Variants in CDKAL1 observed in about 807,000 individuals in gnomAD.
CDKAL1 encodes threonylcarbamoyladenosine tRNA methylthiotransferase.
Under a neutral mutation model 68.2 loss-of-function variants are expected in CDKAL1, and 32 were observed. The ratio of observed to expected loss-of-function variants is 0.47; its 90% confidence interval spans 0.35 to 0.63. The LOEUF is 0.63. Among genes scored for constraint, CDKAL1 ranks in the 30% least tolerant of loss-of-function variants. The probability of loss-of-function intolerance (pLI) is 0.00; values close to 1 mark genes in which losing one functional copy is unlikely to be tolerated. For synonymous variants in CDKAL1, 234 were observed against 244.3 expected (o/e 0.96, Z 0.39); for missense variants, 606 against 696.7 (o/e 0.87, Z 1.47).
At chr6:21,010,271 T>C (rs1337325014) in intron 11 of CDKAL1, among the ~76,000 whole-genome samples, 1 of 152,232 alleles carries the variant, frequency 6.6e-6, no homozygotes, top group Non-Finnish European at 1.5e-5. Context: ...TAATGAAGTA[T>C]GTGTACGTGT....
intron 5 of CDKAL1, among the ~76,000 whole-genome samples, chr6:20,704,100 C>T (rs1771493707): frequency 6.6e-6 from 1 of 152,108 alleles, no homozygotes; most frequent in African/African-American, 2.4e-5. Context: ...GATTTCAGTA[C>T]TGAATAAAAC....
intron 8 of CDKAL1, among the ~76,000 whole-genome samples, chr6:20,801,318 A>G (rs1342347291): frequency 6.6e-6 from 1 of 152,220 alleles, no homozygotes; most frequent in East Asian, 1.9e-4. Context: ...ATGAAACCAT[A>G]GCAGGCTTTT....
chr6:21,047,788 G>GA (rs2150906333), intron 11 of CDKAL1, among the ~76,000 whole-genome samples: 1 of 152,322 alleles, frequency 6.6e-6, no homozygotes, highest in East Asian at 1.9e-4. Context: ...GATGCTGAGA[G>GA]AAAATCAAGA....
intron 8 of CDKAL1, among the ~76,000 whole-genome samples, chr6:20,841,496 T>C (rs1034831198): frequency 7.9e-5 from 12 of 152,270 alleles, no homozygotes; most frequent in African/African-American, 2.9e-4. Flanking sequence ...GGTTTGGATA[T>C]TAAGTTGACC....
chr6:20,939,167 G>A (rs1401289266), intron 9 of CDKAL1, among the ~76,000 whole-genome samples: 1 of 152,144 alleles, frequency 6.6e-6, no homozygotes, highest in East Asian at 1.9e-4. Flanking sequence ...TGGGGGTGGG[G>A]TGGAGAGGCA....
intron 9 of CDKAL1, among the ~76,000 whole-genome samples, chr6:20,909,848 G>A (rs1762389788): frequency 6.6e-6 from 1 of 152,128 alleles, no homozygotes; most frequent in Admixed American, 6.5e-5. Context: ...GAAGAGGGTG[G>A]CCTTGGTCAT....
chr6:20,957,294 C>T (rs1001713518), intron 10 of CDKAL1, among the ~76,000 whole-genome samples: 1 of 152,178 alleles, frequency 6.6e-6, no homozygotes, highest in Non-Finnish European at 1.5e-5. Flanking sequence ...TCTGAGGTAA[C>T]TAACCAAATA....
chr6:20,939,662 G>C (rs1329002251), intron 9 of CDKAL1, among the ~76,000 whole-genome samples: 1 of 152,158 alleles, frequency 6.6e-6, no homozygotes, highest in Non-Finnish European at 1.5e-5. Flanking sequence ...AAATGCCACA[G>C]TAATATATTG....
chr6:20,999,793 T>G (rs536579531), intron 10 of CDKAL1, among the ~76,000 whole-genome samples: 1 of 152,204 alleles, frequency 6.6e-6, no homozygotes, highest in East Asian at 1.9e-4. Context: ...TAACCTAAAT[T>G]TGGAAACTTT....
intron 8 of CDKAL1, among the ~76,000 whole-genome samples, chr6:20,815,329 T>C (rs946036450): frequency 6.6e-6 from 1 of 152,178 alleles, no homozygotes; most frequent in Non-Finnish European, 1.5e-5. Flanking sequence ...TATGATCTAG[T>C]CTTTAAGGGT....
At chr6:21,138,309 A>T (rs1318522007) in intron 13 of CDKAL1, among the ~76,000 whole-genome samples, 2 of 152,158 alleles carry the variant, frequency 1.3e-5, no homozygotes, top group Non-Finnish European at 1.5e-5. Flanking sequence ...ACCACAGACA[A>T]CCATAACCCA....
intron 4 of CDKAL1, among the ~76,000 whole-genome samples, chr6:20,626,083 A>C: frequency 6.6e-6 from 1 of 151,988 alleles, no homozygotes; most frequent in East Asian, 1.9e-4. Context: ...TTTTGTAATT[A>C]TTTTACTTCT....
intron 5 of CDKAL1, among the ~76,000 whole-genome samples, chr6:20,691,593 G>A (rs1437285087): frequency 2.6e-5 from 4 of 151,938 alleles, no homozygotes; most frequent in Admixed American, 6.6e-5. Context: ...CTCTCTTACC[G>A]TGTATCCTCT....
intron 9 of CDKAL1, among the ~76,000 whole-genome samples, chr6:20,938,304 G>A (rs1763817235): frequency 6.6e-6 from 1 of 151,936 alleles, no homozygotes; most frequent in African/African-American, 2.4e-5. Flanking sequence ...GGCTTACTTT[G>A]TACTTTCTGT....
chr6:20,988,089 A>G (rs1197628627), intron 10 of CDKAL1, among the ~76,000 whole-genome samples: 2 of 151,972 alleles, frequency 1.3e-5, no homozygotes, highest in African/African-American at 4.8e-5. Flanking sequence ...CCAGCCAGAC[A>G]TATCATTTTA....
Position 21,030,484 on chromosome 6 carries a change from TA to T in CDKAL1, c.1055+30116del. ...CGTTCTGCACTTGTATCTCAGAACT[TA>T]AAATTTAAAAAAAATTAAAAAGAGA... On this transcript the variant is annotated intron_variant, in intron 11 of 15. Transcript: ENST00000274695. Among the ~76,000 whole-genome samples the T allele has an allele frequency of 1.3e-5, 2 of 152,154 alleles. 1 individual carries two copies. The highest frequency in any genetic ancestry group is 3.9e-4 in the East Asian group (2 of 5,194).
At chr6:20,992,009 C>T (rs904202150) in intron 10 of CDKAL1, among the ~76,000 whole-genome samples, 2 of 146,396 alleles carry the variant, frequency 1.4e-5, no homozygotes, top group East Asian at 2.0e-4. Context: ...TTATACTTTT[C>T]CCCCACCTTT....
chr6:20,734,150 A>G (rs1247863730), intron 5 of CDKAL1, among the ~76,000 whole-genome samples: 4 of 124,236 alleles, frequency 3.2e-5, no homozygotes, highest in African/African-American at 1.4e-4. Context: ...CTCTGTCTTG[A>G]AAAAAAAAAA....
Position 21,056,536 on chromosome 6 carries a change from C to T in CDKAL1, c.1056-8512C>T, listed in dbSNP as rs1582109914. ...TTATTTTCTTCTCTTGCCTGATTTTCCTGGCCAGAACTTCCAATACTATGT... is the reference window on the plus strand; with the variant it reads ...TTATTTTCTTCTCTTGCCTGATTTTTCTGGCCAGAACTTCCAATACTATGT... On this transcript the variant is annotated intron_variant, in intron 11 of 15. Transcript: ENST00000274695. Among the ~76,000 whole-genome samples the T allele has an allele frequency of 2.6e-5, 4 of 152,154 alleles. No homozygotes were observed. In the South Asian group the frequency reaches 8.3e-4, roughly 32 times the overall value.
Sources: allele counts gnomAD v4.1 joint callset (sites outside exome capture counted in the v4.1 genomes callset), GRCh38; gene constraint gnomAD v4.1.1; transcripts MANE v1.5; gene names NCBI Gene and HGNC (gene_info 2026-07-23, HGNC 2026-07-21).